AFDN: variants seen among roughly 807,000 people sequenced by gnomAD.
The protein encoded by AFDN is afadin, adherens junction formation factor, also known as afadin.
AFDN carries 68 observed loss-of-function variants against 216.6 expected under a neutral mutation model. That is an observed-to-expected ratio of 0.31 (90% CI 0.26 to 0.38). The LOEUF is 0.38. AFDN is among the 10% of genes least tolerant of loss of function. AFDN has a pLI of 1.00. For synonymous variants in AFDN, 868 were observed against 853.7 expected, an observed-to-expected ratio of 1.02 and a Z score of -0.29; for missense variants, 2,136 against 2,342.0, an observed-to-expected ratio of 0.91 and a Z score of 1.82.
rs968703219 is a variant in AFDN, at chr6:167,905,965, C to T, written c.1651-1206C>T. 2.6e-5 allele frequency among the ~76,000 whole-genome samples: 4 copies of T among 152,098 alleles called. No individual in the cohort carries two copies. The East Asian group carries it at 5.8e-4, about 22-fold the overall frequency. On this transcript the variant is annotated intron_variant, in intron 12 of 33. Transcript: ENST00000683244. ...CTAAAAATGCAAAAAATTAGCCGGG[C>T]GTGGTGGCGGGCGCCTGTAGCCCCC...
At position 167,947,865 on chromosome 6, in the gene AFDN, G is replaced by A. The variant is rs773338292; in HGVS notation, c.3566G>A (p.Ser1189Asn). Reference protein sequence around the residue: ...SSPNVANQPPSPGGKSAYASG... With the variant: ...SSPNVANQPPNPGGKSAYASG... ...CTGACTTGAGCAGATCAGCCTCCTA[G>A]TCCTGGAGGGAAAAGTGCATATGCC... The change falls in exon 28 of 34, where the codon AGT becomes AAT. Residue 1189 changes from serine to asparagine, a missense_variant. Ser to Asn is a conservative substitution (Grantham distance 46). Coordinates refer to ENST00000683244, the MANE Select transcript of AFDN (RefSeq NM_001386888.1). 6.2e-7 allele frequency: 1 copy of A among 1,612,506 alleles called. No individual in the cohort carries two copies. The highest frequency in any genetic ancestry group is 1.1e-5 in the South Asian group (1 of 91,018).
intron 1 of AFDN, among the ~76,000 whole-genome samples, chr6:167,844,863 T>TTTTTTTTTTTTG (rs1562539964): frequency 1.4e-5 from 2 of 146,030 alleles, no homozygotes; most frequent in African/African-American, 5.1e-5. Context: ...TTTTTTTTTT[T>TTTTTTTTTTTTG]TTTTTTTGGT....
chr6:167,947,189 T>C (rs201857861), intron 27 of AFDN, among the ~76,000 whole-genome samples: 64,174 of 150,858 alleles, frequency 0.43, 14,220 homozygotes, highest in East Asian at 0.8. Context: ...TTTTTTTTTT[T>C]TTTGAGACGG....
At chr6:167,893,992 A>T (rs1035051751) in intron 9 of AFDN, 86 bp downstream of exon 9, 7 of 1,010,450 alleles carry the variant, frequency 6.9e-6, no homozygotes, top group Admixed American at 2.0e-5. Context: ...CAAATATCTT[A>T]TGTATCAGTT....
chr6:167,843,586 G>A (rs761376891), intron 1 of AFDN, among the ~76,000 whole-genome samples: 2 of 152,140 alleles, frequency 1.3e-5, no homozygotes, highest in Non-Finnish European at 2.9e-5. Flanking sequence ...AAAGTTGATC[G>A]GTAAGGACAT....
intron 31 of AFDN, 91 bp from the exon 32 acceptor site, chr6:167,965,666 A>AT: frequency 8.3e-7 from 1 of 1,202,090 alleles, no homozygotes; most frequent in Non-Finnish European, 1.1e-6. Flanking sequence ...CGTCAGTGTG[A>AT]TGATGAGGAT....
chr6:167,901,535 T>G (rs915536351), intron 11 of AFDN, among the ~76,000 whole-genome samples: 6 of 152,194 alleles, frequency 3.9e-5, no homozygotes, highest in African/African-American at 1.4e-4. Flanking sequence ...ATTTGCATGC[T>G]AACATTATCA....
At chr6:167,864,341 A>G in intron 1 of AFDN, 1 of 748,856 alleles carries the variant, frequency 1.3e-6, no homozygotes. Flanking sequence ...CATACGTGAC[A>G]CAGGTGAGGC....
intron 32 of AFDN, chr6:167,966,362 T>C (rs1033247666): frequency 9.6e-6 from 11 of 1,148,170 alleles, no homozygotes; most frequent in Non-Finnish European, 1.3e-5. Flanking sequence ...GTATGGTCCA[T>C]GGCGATCATA....
At position 167,971,814 on chromosome 6, in the gene AFDN, C is replaced by T. The variant is rs1240859781; in HGVS notation, c.*1879C>T. ...ATATGTGTAAAAGTGCTTTTCAGAA[C>T]TGCATTACTATGAGAAAACATCAAA... On this transcript the variant is annotated 3_prime_UTR_variant, in exon 34 of 34. Transcript: ENST00000683244. 2 of 205,884 alleles carry T rather than the reference C, an allele frequency of 9.7e-6. No individual in the cohort carries two copies. The highest frequency in any genetic ancestry group is 2.0e-5 in the Non-Finnish European group (2 of 100,766). The allele number at this position is 205,884 out of a possible 1,614,324, so 12.8% of individuals were successfully genotyped here.
intron 11 of AFDN, among the ~76,000 whole-genome samples, chr6:167,901,369 C>A (rs1469639458): frequency 1.3e-5 from 2 of 152,104 alleles, no homozygotes; most frequent in African/African-American, 2.4e-5. Context: ...ATTCACCCTT[C>A]ATTTGTGCTG....
At chr6:167,957,422 G>A (rs948788461) in intron 30 of AFDN, among the ~76,000 whole-genome samples, 2 of 152,300 alleles carry the variant, frequency 1.3e-5, no homozygotes, top group East Asian at 3.9e-4. Flanking sequence ...CCAGGCCAAG[G>A]TCCCAAGCTC....
In AFDN at chr6:167,834,545, C is replaced by A. The variant is rs949287556; in HGVS notation, c.105+7308C>A. On this transcript the variant is annotated intron_variant, in intron 1 of 33. Transcript: ENST00000683244. Reference sequence around the variant, plus strand: ...TCTTGAATAACAAGTCACGGTGCATCACACCATGAAAACACCCCTCCTGCC... The same window carrying A: ...TCTTGAATAACAAGTCACGGTGCATAACACCATGAAAACACCCCTCCTGCC... Among the ~76,000 whole-genome samples, 14 of 135,578 alleles carry A rather than the reference C, an allele frequency of 1.0e-4. No individual in the cohort carries two copies. The Admixed American group carries it at 1.0e-3, about 10-fold the overall frequency. The allele number at this position is 135,578 out of a possible 152,430, so 88.9% of individuals were successfully genotyped here. A position where few individuals can be genotyped will look rare whatever the true frequency, so the allele number is the denominator to read the frequency against.
chr6:167,954,636 G>A (rs1796320759), intron 30 of AFDN: 1 of 538,920 alleles, frequency 1.9e-6, no homozygotes, highest in East Asian at 3.2e-5. Context: ...TGACACTTTA[G>A]AAGCATGCCT....
At chr6:167,883,972 A>C (rs538522096) in intron 6 of AFDN, among the ~76,000 whole-genome samples, 42 of 152,264 alleles carry the variant, frequency 2.8e-4, no homozygotes, top group African/African-American at 9.6e-4. Flanking sequence ...AGTCCTCCCA[A>C]CCCCTGCCAC....
At chr6:167,850,406 T>G (rs985116254) in intron 1 of AFDN, among the ~76,000 whole-genome samples, 2 of 151,610 alleles carry the variant, frequency 1.3e-5, no homozygotes, top group African/African-American at 4.8e-5. Context: ...TTGCTTTAAG[T>G]TTTTTTTTCT....
chr6:167,871,324 A>G (rs1784771555), intron 3 of AFDN, among the ~76,000 whole-genome samples: 1 of 152,152 alleles, frequency 6.6e-6, no homozygotes, highest in Non-Finnish European at 1.5e-5. Flanking sequence ...GTTTTGCTAT[A>G]CATGTTTTAT....
In AFDN at chr6:167,896,932, C is replaced by T; in HGVS notation, c.1277C>T (p.Thr426Ile). 1.2e-6 allele frequency: 2 copies of T among 1,613,784 alleles called. No individual in the cohort carries two copies. The highest frequency in any genetic ancestry group is 1.7e-6 in the Non-Finnish European group (2 of 1,179,764). Residue 426 changes from threonine to isoleucine, a missense_variant, in exon 10 of 34, where the codon ACT becomes ATT. Physicochemically the swap from Thr to Ile is moderately conservative, Grantham distance 89. This residue lies in a region of AFDN where 817 missense variants were observed against 965.7 expected (regional missense o/e 0.85). Transcript: ENST00000683244. Reference sequence around the variant, plus strand: ...CTTTACCGCCTTCAGTTAAGTGTTACTGAAGTTGGGACAGAAAAGTTGGAT... The same window carrying T: ...CTTTACCGCCTTCAGTTAAGTGTTATTGAAGTTGGGACAGAAAAGTTGGAT... ...PKLYRLQLSV[T>I]EVGTEKLDDN... is the part of the protein sequence containing the mutation.
chr6:167,962,354 C>G lies in AFDN; in HGVS notation c.4834-79C>G, dbSNP rs1360558349. ...TGTGTGTGTTTGTGTATATGTGTGT[C>G]TACTTGTCTTAATGTGTGCATTTTA... is the stretch of plus-strand genomic sequence containing the variant. On this transcript the variant is annotated intron_variant, in intron 30 of 33. Coordinates refer to ENST00000683244, the MANE Select transcript of AFDN (RefSeq NM_001386888.1). This position sits in a 1 kb window ranked among gnomAD's most constrained non-coding sequence, Gnocchi z 5.2. 14 of 1,582,474 alleles carry G rather than the reference C, an allele frequency of 8.8e-6. No homozygotes were observed. The highest frequency in any genetic ancestry group is 2.3e-5 in the East Asian group (1 of 44,318).
Sources: allele counts gnomAD v4.1 joint callset (sites outside exome capture counted in the v4.1 genomes callset), GRCh38; gene constraint gnomAD v4.1.1; regional missense constraint gnomAD v4.1.1; non-coding constraint Gnocchi (gnomAD v3.1); transcripts MANE v1.5; gene names NCBI Gene and HGNC (gene_info 2026-07-23, HGNC 2026-07-21).